Variants in KLK6 observed in about 807,000 individuals in gnomAD.
KLK6 encodes kallikrein-6.
Under a neutral mutation model 21.7 loss-of-function variants are expected in KLK6, and 16 were observed. The observed-to-expected ratio is 0.74, with a 90% CI of 0.50 to 1.12. The LOEUF (loss-of-function observed/expected upper bound fraction) is 1.12. Ranked by LOEUF, KLK6 falls within the 50% of genes most tolerant of loss-of-function variation. The pLI is 0.00. For missense variants in KLK6, 276 were observed against 304.6 expected (o/e 0.91, Z 0.70); for synonymous variants, 116 against 120.1 (o/e 0.97, Z 0.22).
rs202086876 is a variant in KLK6 at position 50,967,223 on chromosome 19, C to T, written c.143G>A (p.Gly48Asp). 3 of 1,614,088 alleles carry T rather than the reference C, an allele frequency of 1.9e-6. No individual in the cohort carries two copies. Among genetic ancestry groups the T allele is most frequent in the Non-Finnish European group, 1.7e-6 (2 of 1,180,012 alleles). Residue 48 changes from glycine (G) to aspartate (D), a missense_variant, in exon 4 of 7, where the codon GGT becomes GAT. Gly to Asp is a moderately conservative substitution (Grantham distance 94, BLOSUM62 -1). Transcript: ENST00000310157. ...CCACAGTGGATGGATAAGGACCCCACCACAGAGCAAGTGGCCCGAGGTGTA... is the reference window on the plus strand; with the variant it reads ...CCACAGTGGATGGATAAGGACCCCATCACAGAGCAAGTGGCCCGAGGTGTA... Reference protein sequence around the residue: ...ALYTSGHLLCGGVLIHPLWVL... With the variant: ...ALYTSGHLLCDGVLIHPLWVL...
chr19:50,961,652 T>A, intron 6 of KLK6, 92 bp downstream of exon 6: 2 of 1,484,318 alleles, frequency 1.3e-6, no homozygotes, highest in East Asian at 2.3e-5. Flanking sequence ...AGCTCTCTTT[T>A]GGCCTGTGTC....
chr19:50,966,824 C>T (rs531293288), intron 4 of KLK6, among the ~76,000 whole-genome samples: 16 of 152,202 alleles, frequency 1.1e-4, no homozygotes, highest in Admixed American at 9.8e-4. Flanking sequence ...ACAACAAAAA[C>T]AAAACTGCCC....
At chr19:50,961,967 C>A in intron 5 of KLK6, 87 bp from the exon 6 acceptor site, 1 of 1,433,762 alleles carries the variant, frequency 7.0e-7, no homozygotes, top group Non-Finnish European at 9.4e-7. Context: ...TATAAGTCCT[C>A]CATCCTCTAT....
intron 4 of KLK6, 160 bp from the exon 5 acceptor site, chr19:50,963,709 T>C: frequency 2.6e-6 from 2 of 754,770 alleles, no homozygotes; most frequent in South Asian, 1.8e-5. Context: ...TTGGGGGCTA[T>C]TCTTCACTCT....
At chr19:50,967,511 CCACACACACA>C (rs146062864) in intron 3 of KLK6, among the ~76,000 whole-genome samples, 186 bp from the exon 4 acceptor site, 21 of 125,476 alleles carry the variant, frequency 1.7e-4, no homozygotes, top group African/African-American at 4.9e-4. Flanking sequence ...GACCTCATCT[CCACACACACA>C]CACACACACA....
In KLK6 at chr19:50,961,896, T is replaced by C; in HGVS notation, c.446-16A>G. 1 of 1,611,432 alleles carries C rather than the reference T, an allele frequency of 6.2e-7. No individual in the cohort carries two copies. The highest frequency in any genetic ancestry group is 1.1e-5 in the South Asian group (1 of 90,718). On this transcript the variant is annotated splice_polypyrimidine_tract_variant and intron_variant, in intron 5 of 6. Transcript: ENST00000310157. ...GGGAAATCACCTGTTAGGGGAGAGA[T>C]GGGCCAGACTCAGCCCAGGCCTTGC...
chr19:50,963,877 G>A (rs372737600), intron 4 of KLK6, among the ~76,000 whole-genome samples: 2 of 151,978 alleles, frequency 1.3e-5, no homozygotes, highest in African/African-American at 4.8e-5. Flanking sequence ...CCTCCTCACT[G>A]GGCTCCCTGC....
Position 50,963,541 on chromosome 19 carries a change from TGAAGATTCCTGGGAAG to T in KLK6, c.198-8_205del, listed in dbSNP as rs1281391173. 1 of 1,613,868 alleles carries T rather than the reference TGAAGATTCCTGGGAAG, an allele frequency of 6.2e-7. No homozygotes were observed. Among genetic ancestry groups the T allele is most frequent in the Non-Finnish European group, 8.5e-7 (1 of 1,179,978 alleles). ...AAGGTTATGCTTCCCCAGGAAGACC[TGAAGATTCCTGGGAAG>T]GAAGAGGGCTGGGTCTCACCTGGAG... is the stretch of plus-strand genomic sequence containing the variant. On this transcript the variant is annotated splice_acceptor_variant and splice_polypyrimidine_tract_variant and coding_sequence_variant and intron_variant, in exon 5 of 7. Transcript: ENST00000310157. LOFTEE classifies it high-confidence loss of function.
In KLK6 at chr19:50,959,175, G is replaced by C; in HGVS notation, c.724C>G (p.Gln242Glu). 1 of 1,614,156 alleles carries C rather than the reference G, an allele frequency of 6.2e-7. No homozygotes were observed. The highest frequency in any genetic ancestry group is 8.5e-7 in the Non-Finnish European group (1 of 1,180,014). ...RYTNWIQKTI[Q>E]AK The stretch of plus-strand genomic sequence containing the variant: ...GTCACATGTCAGGGTCACTTGGCCT[G>C]AATGGTTTTTTGGATCCAGTTCGTG... The change falls in exon 7 of 7, where the codon CAG (glutamine) becomes GAG (glutamate). Residue 242 changes from glutamine to glutamate, a missense_variant. Coordinates refer to ENST00000310157, the MANE Select transcript of KLK6 (RefSeq NM_002774.4).
At chr19:50,966,460 T>A in intron 4 of KLK6, among the ~76,000 whole-genome samples, 1 of 152,212 alleles carries the variant, frequency 6.6e-6, no homozygotes, top group East Asian at 1.9e-4. Context: ...CCTCCCTCTC[T>A]CTTGCCCAGA....
intron 2 of KLK6, 129 bp from the exon 3 acceptor site, chr19:50,968,241 C>G: frequency 1.2e-6 from 1 of 800,832 alleles, no homozygotes; most frequent in South Asian, 1.4e-5. Context: ...CTCTGTCCTT[C>G]CCATCTAGCC....
chr19:50,961,707 C>A (rs753149521), intron 6 of KLK6, 37 bp downstream of exon 6: 3 of 1,605,502 alleles, frequency 1.9e-6, no homozygotes, highest in South Asian at 1.1e-5. Context: ...TTCGTCCTGT[C>A]CCTGGCTGTG....
intron 6 of KLK6, among the ~76,000 whole-genome samples, chr19:50,959,571 C>T (rs2090772594): frequency 6.9e-6 from 1 of 144,030 alleles, no homozygotes; most frequent in Non-Finnish European, 1.5e-5. Context: ...GATAGGAATG[C>T]CAAGATGCAG....
intron 5 of KLK6, 98 bp from the exon 6 acceptor site, chr19:50,961,978 T>C: frequency 7.5e-7 from 1 of 1,335,030 alleles, no homozygotes; most frequent in Non-Finnish European, 1.0e-6. Context: ...CATCCTCTAT[T>C]GGTCCCTCTT....
intron 2 of KLK6, 171 bp downstream of exon 2, chr19:50,968,370 A>C: frequency 1.8e-6 from 1 of 559,168 alleles, no homozygotes; most frequent in Non-Finnish European, 3.2e-6. Context: ...TTCTGATTAG[A>C]TCTTTCTACT....
intron 5 of KLK6, 61 bp from the exon 6 acceptor site, chr19:50,961,941 G>A (rs2090848540): frequency 6.4e-7 from 1 of 1,559,598 alleles, no homozygotes; most frequent in South Asian, 1.2e-5. Flanking sequence ...ATCCTCCCCA[G>A]TCACCCCCCA....
chr19:50,968,010 T>C, intron 3 of KLK6, 55 bp downstream of exon 3: 1 of 1,417,322 alleles, frequency 7.1e-7, no homozygotes, highest in African/African-American at 1.4e-5. Context: ...CTCTTCTCCA[T>C]CAACAAGCCC....
chr19:50,968,151 C>G (rs370855778), intron 2 of KLK6, 39 bp from the exon 3 acceptor site: 1 of 1,575,342 alleles, frequency 6.3e-7, no homozygotes, highest in Admixed American at 1.7e-5. Flanking sequence ...GTCACTGCCT[C>G]GACCCTCCCC....
intron 4 of KLK6, among the ~76,000 whole-genome samples, chr19:50,964,181 G>T (rs1475847417): frequency 6.6e-6 from 1 of 152,104 alleles, no homozygotes; most frequent in Non-Finnish European, 1.5e-5. Context: ...CCTTTGCACT[G>T]CTGTTCCCTC....
Sources: gnomAD v4.1 joint callset for allele counts (sites outside exome capture counted in the v4.1 genomes callset) on GRCh38, gnomAD v4.1.1 for gene constraint, MANE v1.5 for transcripts, NCBI Gene and HGNC (gene_info 2026-07-23, HGNC 2026-07-21) for gene names.